The following ANKRD16 variants were observed in gnomAD, a reference collection of about 807,000 sequenced individuals.
ANKRD16 encodes ankyrin repeat domain-containing protein 16.
A neutral mutation model predicts 37.9 loss-of-function variants in ANKRD16; 35 were observed. The ratio of observed to expected loss-of-function variants is 0.92; its 90% CI spans 0.71 to 1.23. ANKRD16 has a LOEUF of 1.23. ANKRD16 is among the 50% of genes most tolerant of loss of function. ANKRD16 has a pLI of 0.00. For missense variants in ANKRD16, 480 were observed against 469.9 expected (o/e 1.02, Z -0.20); for synonymous variants, 206 against 197.2 (o/e 1.04, Z -0.37).
Position 5,865,469 on chromosome 10 carries a change from T to C in ANKRD16, c.*34-2778A>G, listed in dbSNP as rs1842000048. On this transcript the variant is annotated intron_variant, in intron 7 of 7. Transcript: ENST00000380094. The surrounding 1 kb of genome is among the most constrained non-coding windows in gnomAD (Gnocchi z 4.7). ...AGGAAATCGACTTCCTCCTGGACAG[T>C]GGCATGGCTTTCTCAGTGTTAATCT... Among the ~76,000 whole-genome samples, 1 of 152,200 alleles carries C rather than the reference T, an allele frequency of 6.6e-6. No individual in the cohort carries two copies.
rs1337229505 is a variant in ANKRD16 at position 5,889,529 on chromosome 10, C to T, written c.-175G>A. 1.5e-5 allele frequency: 5 copies of T among 340,634 alleles called. No homozygotes were observed. The highest frequency in any genetic ancestry group is 1.1e-4 in the African/African-American group (5 of 45,732). 21.1% of individuals were successfully genotyped at this position (340,634 alleles called of 1,614,324 possible). On this transcript the variant is annotated 5_prime_UTR_variant, in exon 1 of 8. Coordinates refer to ENST00000380094, the MANE Select transcript of ANKRD16 (RefSeq NM_019046.3). ...CCGGCTTTGTCCCCGGCAGAGCCGC[C>T]TCCTCAAACCCCCGGCCTAGTCCGC...
rs1841960809 is a variant in ANKRD16, at chr10:5,862,745, A to G, written c.*34-54T>C. The G allele has an allele frequency of 8.1e-7, 1 of 1,231,038 alleles. No individual in the cohort carries two copies. The highest frequency in any genetic ancestry group is 1.1e-6 in the Non-Finnish European group (1 of 935,780). 76.3% of individuals were successfully genotyped at this position (1,231,038 alleles called of 1,614,324 possible). On this transcript the variant is annotated intron_variant, in intron 7 of 7. Transcript: ENST00000380094. The surrounding 1 kb of genome is among the most constrained non-coding windows in gnomAD (Gnocchi z 6.5). ...GTTTACAGATGAAACAGAAGCTCAG[A>G]GAGGGCAAGCAGCTAGCACAAGGTC...
At position 5,884,073 on chromosome 10, in the gene ANKRD16, G is replaced by A; in HGVS notation, c.583C>T (p.Gln195Ter). Residue 195 changes from glutamine (Q) to a stop codon, truncating the protein, a stop_gained, in exon 4 of 8, where the codon CAA becomes TAA. Coordinates refer to ENST00000380094, the MANE Select transcript of ANKRD16 (RefSeq NM_019046.3). LOFTEE classifies it high-confidence loss of function. Reference sequence around the variant, plus strand: ...TTGTCTCTGTAGTCTGGTTCATATTGGCACCTAGAGCCAAAACCCCAAGTA... The same window carrying A: ...TTGTCTCTGTAGTCTGGTTCATATTAGCACCTAGAGCCAAAACCCCAAGTA... ...EAVKVLLKRC[Q>*]YEPDYRDNCG... 1 of 1,613,608 alleles carries A rather than the reference G, an allele frequency of 6.2e-7. No homozygotes were observed.
At chr10:5,879,887 A>G (rs910551149) in intron 6 of ANKRD16, among the ~76,000 whole-genome samples, 1 of 152,112 alleles carries the variant, frequency 6.6e-6, no homozygotes, top group African/African-American at 2.4e-5. Context: ...GGCTGGTCAC[A>G]GTGGCTCATG....
rs1260599486 is a variant in ANKRD16 at position 5,869,441 on chromosome 10, G to A, written c.*34-6750C>T. 1.3e-5 allele frequency among the ~76,000 whole-genome samples: 2 copies of A among 152,264 alleles called. No homozygotes were observed. Among genetic ancestry groups the A allele is most frequent in the Admixed American group, 1.3e-4 (2 of 15,298 alleles). ...CCTGTGTCCAGCAAGGTGGGGGCCTGAGAAGCACTGCCCAGGCCTTTGCTC... is the reference window on the plus strand; with the variant it reads ...CCTGTGTCCAGCAAGGTGGGGGCCTAAGAAGCACTGCCCAGGCCTTTGCTC... On this transcript the variant is annotated intron_variant, in intron 7 of 7. Transcript: ENST00000380094. The surrounding 1 kb of genome is among the most constrained non-coding windows in gnomAD (Gnocchi z 4.0).
intron 5 of ANKRD16, among the ~76,000 whole-genome samples, chr10:5,882,503 A>T (rs1172519306): frequency 1.3e-5 from 2 of 152,158 alleles, no homozygotes. Flanking sequence ...AAAAACAAAA[A>T]ATAAGTAAAA....
rs1346536786 is a variant in ANKRD16, at chr10:5,863,734, C to T, written c.*34-1043G>A. On this transcript the variant is annotated intron_variant, in intron 7 of 7. Transcript: ENST00000380094. The surrounding 1 kb of genome is among the most constrained non-coding windows in gnomAD (Gnocchi z 4.7). ...CCATAACACTCACCGTGAGGGTCTG[C>T]GGCTTCATTCCTGAAGTCAGCAAGA... Among the ~76,000 whole-genome samples the T allele has an allele frequency of 1.3e-5, 2 of 152,138 alleles. No homozygotes were observed. The highest frequency in any genetic ancestry group is 2.1e-4 in the South Asian group (1 of 4,828).
Position 5,889,367 on chromosome 10 carries a change from G to C in ANKRD16, c.-13C>G. 1 of 1,208,788 alleles carries C rather than the reference G, an allele frequency of 8.3e-7. No individual in the cohort carries two copies. Among genetic ancestry groups the C allele is most frequent in the Non-Finnish European group, 1.0e-6 (1 of 975,150 alleles). 74.9% of individuals were successfully genotyped at this position (1,208,788 alleles called of 1,614,324 possible). On this transcript the variant is annotated 5_prime_UTR_variant, in exon 1 of 8. Transcript: ENST00000380094. ...CGGGCTGGGCCATCGCCGCGGGTCGGGCCGGGCTGCGCGGGGAGGCGGCGG... is the reference window on the plus strand; with the variant it reads ...CGGGCTGGGCCATCGCCGCGGGTCGCGCCGGGCTGCGCGGGGAGGCGGCGG...
At chr10:5,877,218 T>C (rs77115308) in intron 7 of ANKRD16, among the ~76,000 whole-genome samples, 5,182 of 152,268 alleles carry the variant, frequency 0.034, 308 homozygotes, top group African/African-American at 0.12. Context: ...GTTCAGGCAA[T>C]TCTCGGGCCT....
chr10:5,879,772 G>A (rs1233410481), intron 6 of ANKRD16, among the ~76,000 whole-genome samples: 2 of 121,572 alleles, frequency 1.6e-5, no homozygotes, highest in Non-Finnish European at 3.5e-5. Flanking sequence ...CAGTTGTAAT[G>A]AGTGGCAGTC....
chr10:5,883,450 CA>C (rs1257481880), intron 4 of ANKRD16, among the ~76,000 whole-genome samples: 2 of 152,100 alleles, frequency 1.3e-5, no homozygotes, highest in Non-Finnish European at 2.9e-5. Context: ...TGTGTGCCAC[CA>C]CACCTGGCTA....
At chr10:5,867,763 A>G (rs1842037143) in intron 7 of ANKRD16, among the ~76,000 whole-genome samples, 1 of 152,216 alleles carries the variant, frequency 6.6e-6, no homozygotes, top group Admixed American at 6.5e-5. Context: ...CTACTTCATT[A>G]TCCTACTACC....
intron 7 of ANKRD16, 115 bp downstream of exon 7, chr10:5,877,982 A>G (rs1842211168): frequency 6.9e-6 from 8 of 1,154,682 alleles, no homozygotes; most frequent in Non-Finnish European, 9.8e-6. Flanking sequence ...GGAACTCCTC[A>G]GCAGGAGTGG....
chr10:5,882,247 T>C (rs1240922392), intron 5 of ANKRD16, among the ~76,000 whole-genome samples: 1 of 151,312 alleles, frequency 6.6e-6, no homozygotes, highest in Non-Finnish European at 1.5e-5. Flanking sequence ...ATGTAATTGA[T>C]CAGAAAAACA....
In ANKRD16 at chr10:5,880,306, T is replaced by C. The variant is rs762282461; in HGVS notation, c.920A>G (p.Asn307Ser). 2.5e-6 allele frequency: 4 copies of C among 1,594,488 alleles called. No individual in the cohort carries two copies. The highest frequency in any genetic ancestry group is 3.4e-5 in the Admixed American group (2 of 58,022). Residue 307 changes from asparagine (N) to serine (S), a missense_variant, in exon 6 of 8, where the codon AAT becomes AGT. Asn to Ser is a conservative substitution (Grantham distance 46). Transcript: ENST00000380094. ...ATAAAATTAAACGGTACCTGATCGA[T>C]TTTTTTCATCTTTAGAATTGATGTC... ...GADINSKDEK[N>S]RSALHLACAG...
At chr10:5,888,883 G>C (rs555829745) in intron 1 of ANKRD16, among the ~76,000 whole-genome samples, 158 bp downstream of exon 1, 2 of 152,212 alleles carry the variant, frequency 1.3e-5, no homozygotes, top group Non-Finnish European at 2.9e-5. Context: ...GCGTTATAAG[G>C]GAAAGTTGGG....
rs1316561198 is a variant in ANKRD16 at position 5,863,586 on chromosome 10, C to T, written c.*34-895G>A. Among the ~76,000 whole-genome samples the T allele has an allele frequency of 1.3e-5, 2 of 152,014 alleles. No homozygotes were observed. Among genetic ancestry groups the T allele is most frequent in the Non-Finnish European group, 2.9e-5 (2 of 67,980 alleles). On this transcript the variant is annotated intron_variant, in intron 7 of 7. Transcript: ENST00000380094. The surrounding 1 kb of genome is among the most constrained non-coding windows in gnomAD (Gnocchi z 4.7). Reference sequence around the variant, plus strand: ...GACAAATAAGAGAATAAAAGCTGGCCACCCCCTGCCAGCAGCAGCAACCCA... The same window carrying T: ...GACAAATAAGAGAATAAAAGCTGGCTACCCCCTGCCAGCAGCAGCAACCCA...
chr10:5,875,116 G>A (rs960199236), intron 7 of ANKRD16, among the ~76,000 whole-genome samples: 1 of 152,120 alleles, frequency 6.6e-6, no homozygotes, highest in Non-Finnish European at 1.5e-5. Flanking sequence ...ACTGCGGGGG[G>A]TGGGAGGTGC....
At chr10:5,875,131 G>A (rs1265957641) in intron 7 of ANKRD16, among the ~76,000 whole-genome samples, 4 of 152,136 alleles carry the variant, frequency 2.6e-5, no homozygotes, top group African/African-American at 7.2e-5. Flanking sequence ...AGGTGCCTAT[G>A]AGCTGAGGGT....
Sources: gnomAD v4.1 joint callset for allele counts (sites outside exome capture counted in the v4.1 genomes callset) on GRCh38, gnomAD v4.1.1 for gene constraint, Gnocchi (gnomAD v3.1) non-coding constraint, MANE v1.5 for transcripts, NCBI Gene and HGNC (gene_info 2026-07-23, HGNC 2026-07-21) for gene names.